The following LDB2 variants were observed in gnomAD, a reference collection of about 807,000 sequenced individuals.
The protein encoded by LDB2 is LIM domain binding 2.
A neutral mutation model predicts 44.3 loss-of-function variants in LDB2; 12 were observed. The ratio of observed to expected loss-of-function variants is 0.27; its 90% CI spans 0.17 to 0.44. The LOEUF (loss-of-function observed/expected upper bound fraction) is 0.44, where lower values mean the gene tolerates loss of function less well. Ranked by LOEUF, LDB2 falls within the 20% of genes least tolerant of loss-of-function variation. LDB2 has a pLI of 1.00. For synonymous variants in LDB2, 164 were observed against 174.8 expected (o/e 0.94, Z 0.49); for missense variants, 344 against 473.5 (o/e 0.73, Z 2.54).
At chr4:16,563,225 T>C (rs1353034393) in intron 5 of LDB2, among the ~76,000 whole-genome samples, 1 of 151,384 alleles carries the variant, frequency 6.6e-6, no homozygotes, top group Non-Finnish European at 1.5e-5. Context: ...ATAATAATAA[T>C]AATAAAAAGA....
chr4:16,837,775 T>C (rs1178124377), intron 1 of LDB2, among the ~76,000 whole-genome samples: 2 of 152,240 alleles, frequency 1.3e-5, no homozygotes, highest in Non-Finnish European at 1.5e-5. Context: ...CAGTCAAATT[T>C]ACTAACGCAC....
intron 1 of LDB2, among the ~76,000 whole-genome samples, chr4:16,850,380 T>A (rs994070053): frequency 3.3e-5 from 5 of 151,996 alleles, no homozygotes; most frequent in East Asian, 1.9e-4. Context: ...AAAAAAAAAA[T>A]TTGATGGTTA....
intron 1 of LDB2, among the ~76,000 whole-genome samples, chr4:16,843,108 A>G (rs1003270738): frequency 6.6e-5 from 10 of 152,052 alleles, no homozygotes; most frequent in African/African-American, 2.2e-4. Flanking sequence ...ACAAATCTGT[A>G]CTCTGTGGTG....
At chr4:16,733,563 T>C (rs1012565648) in intron 2 of LDB2, among the ~76,000 whole-genome samples, 6 of 152,028 alleles carry the variant, frequency 3.9e-5, no homozygotes, top group Admixed American at 1.3e-4. Context: ...AACTTGGGGG[T>C]TCATGTCTGT....
chr4:16,655,864 A>G (rs544894964), intron 2 of LDB2, among the ~76,000 whole-genome samples: 1 of 149,592 alleles, frequency 6.7e-6, no homozygotes, highest in South Asian at 2.1e-4. Context: ...TTTCCTTCTC[A>G]TAAAGAAAAC....
intron 1 of LDB2, among the ~76,000 whole-genome samples, chr4:16,836,426 A>G (rs1234993789): frequency 6.6e-6 from 1 of 152,212 alleles, no homozygotes; most frequent in Non-Finnish European, 1.5e-5. Context: ...GGAAGTCCAT[A>G]GGTTTCCATT....
intron 2 of LDB2, among the ~76,000 whole-genome samples, chr4:16,671,231 T>C (rs908238669): frequency 8.5e-5 from 13 of 152,194 alleles, no homozygotes; most frequent in African/African-American, 2.9e-4. Context: ...ACTTCAACCA[T>C]GTGAGCATCG....
At chr4:16,710,098 G>C (rs1434145824) in intron 2 of LDB2, among the ~76,000 whole-genome samples, 1 of 152,050 alleles carries the variant, frequency 6.6e-6, no homozygotes, top group Admixed American at 6.5e-5. Context: ...AAATCCTTTG[G>C]GATATATTCA....
intron 1 of LDB2, among the ~76,000 whole-genome samples, chr4:16,871,929 G>A (rs1716774587): frequency 6.6e-6 from 1 of 152,048 alleles, no homozygotes. Context: ...GCCCACATCA[G>A]AACTACTCTT....
chr4:16,821,085 A>G (rs1036341094), intron 1 of LDB2, among the ~76,000 whole-genome samples: 2 of 152,188 alleles, frequency 1.3e-5, no homozygotes, highest in Non-Finnish European at 2.9e-5. Flanking sequence ...TTATTTTTTG[A>G]CAGTAGAGAA....
At chr4:16,683,132 ACCT>A (rs1748373651) in intron 2 of LDB2, among the ~76,000 whole-genome samples, 1 of 151,870 alleles carries the variant, frequency 6.6e-6, no homozygotes, top group Non-Finnish European at 1.5e-5. Flanking sequence ...GGAGTACCGC[ACCT>A]CCCCCCGCAA....
intron 2 of LDB2, among the ~76,000 whole-genome samples, chr4:16,738,546 G>T (rs1304054608): frequency 6.6e-6 from 1 of 152,180 alleles, no homozygotes; most frequent in Non-Finnish European, 1.5e-5. Flanking sequence ...TTAACCCTTT[G>T]GTACATAAAA....
chr4:16,686,187 A>G (rs1456032445), intron 2 of LDB2, among the ~76,000 whole-genome samples: 1 of 152,200 alleles, frequency 6.6e-6, no homozygotes, highest in African/African-American at 2.4e-5. Context: ...GACCCCCTTA[A>G]CTAGATCCTC....
intron 2 of LDB2, among the ~76,000 whole-genome samples, chr4:16,634,296 C>CAAAA (rs35227929): frequency 9.5e-6 from 1 of 105,468 alleles, no homozygotes; most frequent in Non-Finnish European, 1.8e-5. Flanking sequence ...TTTGCACGGC[C>CAAAA]AAAAAAAAAA....
At chr4:16,614,580 CAAAAAAAAAAAA>C (rs1164613202) in intron 2 of LDB2, among the ~76,000 whole-genome samples, 1 of 53,834 alleles carries the variant, frequency 1.9e-5, no homozygotes, top group Non-Finnish European at 3.8e-5. Flanking sequence ...CAAGAAAAAA[CAAAAAAAAAAAA>C]AAAAAAAAAC....
intron 2 of LDB2, among the ~76,000 whole-genome samples, chr4:16,670,229 G>T (rs1018359796): frequency 6.6e-6 from 1 of 152,158 alleles, no homozygotes; most frequent in African/African-American, 2.4e-5. Context: ...GAACCAGTAT[G>T]CAAGGACAGT....
chr4:16,770,284 T>C (rs1036472925), intron 1 of LDB2, among the ~76,000 whole-genome samples: 1 of 152,192 alleles, frequency 6.6e-6, no homozygotes, highest in African/African-American at 2.4e-5. Flanking sequence ...CTCCATTATT[T>C]AATTATTTAA....
rs535285921 is a variant in LDB2, at chr4:16,610,413, T to C, written c.236-14538A>G. The stretch of plus-strand genomic sequence containing the variant: ...TCAGAAGATGGGTAATAAAAAACTA[T>C]GATGAACTAAAGGAGCATCTTCTAA... On this transcript the variant is annotated intron_variant, in intron 2 of 7. Transcript: ENST00000304523. Among the ~76,000 whole-genome samples the C allele has an allele frequency of 2.0e-5, 3 of 152,230 alleles. No individual in the cohort carries two copies. In the East Asian group the frequency reaches 5.8e-4, roughly 29 times the overall value.
chr4:16,608,858 G>T (rs890178808), intron 2 of LDB2, among the ~76,000 whole-genome samples: 10 of 152,144 alleles, frequency 6.6e-5, no homozygotes, highest in African/African-American at 2.2e-4. Context: ...CAGGAGCAGG[G>T]CTGCTCCATT....
Sources: gnomAD v4.1 joint callset for allele counts (sites outside exome capture counted in the v4.1 genomes callset) on GRCh38, gnomAD v4.1.1 for gene constraint, MANE v1.5 for transcripts, NCBI Gene and HGNC (gene_info 2026-07-23, HGNC 2026-07-21) for gene names.